The following PCGF5 variants were observed in gnomAD, a reference collection of about 807,000 sequenced individuals.
PCGF5 encodes polycomb group RING finger protein 5.
In PCGF5, 9 loss-of-function variants were observed where a neutral mutation model predicts 44.3. The ratio of observed to expected loss-of-function variants is 0.20; its 90% CI spans 0.12 to 0.35. The LOEUF (loss-of-function observed/expected upper bound fraction) is 0.35, where lower values mean the gene tolerates loss of function less well. Among genes scored for constraint, PCGF5 ranks in the 10% least tolerant of loss-of-function variants. The pLI is 1.00. For synonymous variants in PCGF5, 95 were observed against 102.5 expected (o/e 0.93, Z 0.44); for missense variants, 146 against 305.3 (o/e 0.48, Z 3.89).
intron 9 of PCGF5, 42 bp from the exon 10 acceptor site, chr10:91,278,227 A>G (rs1297480707): frequency 6.8e-7 from 1 of 1,479,838 alleles, no homozygotes; most frequent in African/African-American, 1.4e-5. Context: ...TATTGTTTTT[A>G]TCCAAATACA....
chr10:91,225,319 T>G (rs1246876558), intron 2 of PCGF5, among the ~76,000 whole-genome samples: 1 of 149,174 alleles, frequency 6.7e-6, no homozygotes, highest in Non-Finnish European at 1.5e-5. Context: ...ATAACATATA[T>G]GTATGTTCTC....
At chr10:91,246,957 GGATAGATGGATA>G (rs1046086231) in intron 3 of PCGF5, among the ~76,000 whole-genome samples, 7 of 102,070 alleles carry the variant, frequency 6.9e-5, no homozygotes, top group African/African-American at 1.9e-4. Flanking sequence ...ATAGATAGAT[GGATAGATGGATA>G]GATAGATAGA....
chr10:91,247,561 G>A lies in PCGF5; in HGVS notation c.210-944G>A, dbSNP rs139660021. ...TGTAGTCTTGTAGAAGAGTAATGTTGTTGAGCAGGATGAAGGAGATGAGGC... is the reference window on the plus strand; with the variant it reads ...TGTAGTCTTGTAGAAGAGTAATGTTATTGAGCAGGATGAAGGAGATGAGGC... On this transcript the variant is annotated intron_variant, in intron 3 of 9. Coordinates refer to ENST00000336126, the MANE Select transcript of PCGF5 (RefSeq NM_032373.5). Among the ~76,000 whole-genome samples the A allele has an allele frequency of 3.3e-3, 501 of 151,192 alleles. 2 individuals are homozygous for A. Among genetic ancestry groups the A allele is most frequent in the Admixed American group, 4.7e-3 (71 of 15,148 alleles).
intron 2 of PCGF5, among the ~76,000 whole-genome samples, chr10:91,239,341 T>C: frequency 6.6e-6 from 1 of 152,234 alleles, no homozygotes; most frequent in East Asian, 1.9e-4. Context: ...CTGTATGTAC[T>C]AAATGATTTT....
chr10:91,274,947 A>G (rs966167193), intron 9 of PCGF5, among the ~76,000 whole-genome samples: 2 of 152,218 alleles, frequency 1.3e-5, no homozygotes, highest in Non-Finnish European at 2.9e-5. Context: ...ATATCAGTAT[A>G]GGTTTATGAT....
intron 2 of PCGF5, among the ~76,000 whole-genome samples, chr10:91,231,791 G>A (rs1397228127): frequency 6.6e-6 from 1 of 152,182 alleles, no homozygotes; most frequent in Non-Finnish European, 1.5e-5. Context: ...CCTGTTAGAA[G>A]GCCATTGCAG....
chr10:91,250,502 T>TTC (rs1845597607), intron 5 of PCGF5, among the ~76,000 whole-genome samples: 2 of 151,084 alleles, frequency 1.3e-5, no homozygotes, highest in Admixed American at 6.6e-5. Flanking sequence ...TTTTTCTTTT[T>TTC]TTTTTTTTTT....
chr10:91,233,046 T>G (rs1845053433), intron 2 of PCGF5, among the ~76,000 whole-genome samples: 1 of 152,114 alleles, frequency 6.6e-6, no homozygotes, highest in Non-Finnish European at 1.5e-5. Context: ...GGATTAGAGT[T>G]TAGTTGAGCA....
At chr10:91,221,556 A>G (rs1844680387) in intron 1 of PCGF5, among the ~76,000 whole-genome samples, 2 of 152,194 alleles carry the variant, frequency 1.3e-5, no homozygotes, top group South Asian at 4.1e-4. Context: ...TTCCCTGCAC[A>G]TTCGCAGTGG....
intron 1 of PCGF5, among the ~76,000 whole-genome samples, chr10:91,171,231 A>G (rs1843599078): frequency 1.3e-5 from 2 of 152,244 alleles, no homozygotes; most frequent in African/African-American, 4.8e-5. Flanking sequence ...ATGGAGGAAG[A>G]AAGAAGTTAG....
At chr10:91,262,294 C>T (rs953359738) in intron 7 of PCGF5, among the ~76,000 whole-genome samples, 6 of 152,024 alleles carry the variant, frequency 3.9e-5, no homozygotes, top group South Asian at 2.1e-4. Flanking sequence ...GGTGTGGTGG[C>T]AGGTGCCTGT....
At chr10:91,164,276 G>T (rs942277826) in intron 1 of PCGF5, among the ~76,000 whole-genome samples, 1 of 152,198 alleles carries the variant, frequency 6.6e-6, no homozygotes, top group Non-Finnish European at 1.5e-5. Context: ...GAGGGACGGG[G>T]GAGACTTAGT....
intron 1 of PCGF5, among the ~76,000 whole-genome samples, chr10:91,163,251 G>C (rs1843424679): frequency 1.3e-5 from 2 of 150,574 alleles, no homozygotes; most frequent in South Asian, 4.1e-4. Flanking sequence ...TGCCTAACCT[G>C]ACCTCGGTGC....
chr10:91,190,199 C>G (rs1351288818), intron 1 of PCGF5, among the ~76,000 whole-genome samples: 5 of 152,224 alleles, frequency 3.3e-5, no homozygotes, highest in Non-Finnish European at 7.3e-5. Flanking sequence ...GACTCGCTGG[C>G]TTTCTGACAT....
intron 2 of PCGF5, among the ~76,000 whole-genome samples, chr10:91,239,822 T>C (rs1436226932): frequency 1.3e-5 from 2 of 152,198 alleles, no homozygotes; most frequent in Non-Finnish European, 2.9e-5. Context: ...TTCCATTGTC[T>C]TTGTTTAGAA....
chr10:91,195,370 G>A (rs1206009976), intron 1 of PCGF5, among the ~76,000 whole-genome samples: 4 of 151,512 alleles, frequency 2.6e-5, no homozygotes, highest in Admixed American at 1.3e-4. Flanking sequence ...TCTATCCATT[G>A]TCTAGACTCC....
intron 1 of PCGF5, among the ~76,000 whole-genome samples, chr10:91,215,086 G>A (rs571293369): frequency 1.1e-3 from 164 of 152,294 alleles, no homozygotes; most frequent in Non-Finnish European, 1.3e-3. Flanking sequence ...ATCAGTACTT[G>A]TAATAAGCAT....
intron 2 of PCGF5, among the ~76,000 whole-genome samples, chr10:91,225,500 C>CAACAGAG (rs904737209): frequency 1.3e-5 from 2 of 151,340 alleles, no homozygotes; most frequent in African/African-American, 4.8e-5. Context: ...CCTTTATCGT[C>CAACAGAG]AACAGAGAAC....
rs1022442730 is a variant in PCGF5 at position 91,281,406 on chromosome 10, A to G, written c.*3090A>G. The G allele has an allele frequency of 6.6e-6, 1 of 152,564 alleles. No individual in the cohort carries two copies. Among genetic ancestry groups the G allele is most frequent in the Non-Finnish European group, 1.5e-5 (1 of 67,966 alleles). The allele number at this position is 152,564 out of a possible 1,614,324, so 9.5% of individuals were successfully genotyped here. On this transcript the variant is annotated 3_prime_UTR_variant, in exon 10 of 10. Transcript: ENST00000336126. The stretch of plus-strand genomic sequence containing the variant: ...TTAAGGAAAAAAAGTGTGTTATATA[A>G]TATTGTGAACTGTTTAGCTTTACTG...
Sources: gnomAD v4.1 joint callset for allele counts (sites outside exome capture counted in the v4.1 genomes callset) on GRCh38, gnomAD v4.1.1 for gene constraint, MANE v1.5 for transcripts, NCBI Gene and HGNC (gene_info 2026-07-23, HGNC 2026-07-21) for gene names.